Variants in ASB5 observed in about 807,000 individuals in gnomAD.
ASB5 encodes the protein ankyrin repeat and SOCS box containing 5, also known as ankyrin repeat and SOCS box protein 5.
In ASB5, 45 loss-of-function variants were observed where a neutral mutation model predicts 42.1. The ratio of observed to expected loss-of-function variants is 1.07; its 90% CI spans 0.84 to 1.37. The LOEUF is 1.37. ASB5 is among the 40% of genes most tolerant of loss of function. The probability of loss-of-function intolerance (pLI) is 0.00; values close to 1 mark genes in which losing one functional copy is unlikely to be tolerated. For missense variants in ASB5, 402 were observed against 399.8 expected (o/e 1.01, Z -0.05); for synonymous variants, 147 against 150.6 (o/e 0.98, Z 0.18).
rs1753812711 is a variant in ASB5, at chr4:176,241,553, C to A, written c.197-16212G>T. The stretch of plus-strand genomic sequence containing the variant: ...GGCTGTGCTGCTTTGGGTTTCTTTA[C>A]AAGGCCGTGCCCTCATACAACCTTT... On this transcript the variant is annotated intron_variant, in intron 1 of 6. Transcript: ENST00000296525. The A allele has an allele frequency of 2.0e-6, 3 of 1,524,960 alleles. No individual in the cohort carries two copies. The African/African-American group carries it at 4.2e-5, about 21-fold the overall frequency. The allele number at this position is 1,524,960 out of a possible 1,614,324, so 94.5% of individuals were successfully genotyped here.
At position 176,246,970 on chromosome 4, in the gene ASB5, A is replaced by G. The variant is rs542874236; in HGVS notation, c.197-21629T>C. ...CCTATAGAACCCATAGATTCCTATT[A>G]GAATTAATAAGAGAGCTTAGAAAAG... is the stretch of plus-strand genomic sequence containing the variant. On this transcript the variant is annotated intron_variant, in intron 1 of 6. Coordinates refer to ENST00000296525, the MANE Select transcript of ASB5 (RefSeq NM_080874.4). Among the ~76,000 whole-genome samples, 4 of 152,346 alleles carry G rather than the reference A, an allele frequency of 2.6e-5. No homozygotes were observed. The South Asian group carries it at 6.2e-4, about 24-fold the overall frequency.
rs777069810 is a variant in ASB5 at position 176,225,269 on chromosome 4, A to C, written c.269T>G (p.Leu90Ter). Residue 90 changes from leucine (L) to a stop codon, truncating the protein, a stop_gained, in exon 2 of 7, where the codon TTA becomes TGA. Coordinates refer to ENST00000296525, the MANE Select transcript of ASB5 (RefSeq NM_080874.4). LOFTEE classifies it high-confidence loss of function. ...CTATATGTAATATATTACCTGTGATAATAATGTTCTCAGAGCAAGAAGGCG... is the reference window on the plus strand; with the variant it reads ...CTATATGTAATATATTACCTGTGATCATAATGTTCTCAGAGCAAGAAGGCG... Reference protein sequence around the residue: ...QGRLLALRTLLSQGYNVNAVT... With the variant: ...QGRLLALRTL 6.8e-6 allele frequency: 11 copies of C among 1,611,620 alleles called. No homozygotes were observed. Among genetic ancestry groups the C allele is most frequent in the Non-Finnish European group, 9.3e-6 (11 of 1,177,818 alleles).
intron 1 of ASB5, among the ~76,000 whole-genome samples, chr4:176,236,184 T>G (rs976465750): frequency 6.6e-5 from 10 of 152,216 alleles, no homozygotes; most frequent in Non-Finnish European, 1.2e-4. Flanking sequence ...TTTTTTAATT[T>G]TTGCCATTGA....
intron 2 of ASB5, among the ~76,000 whole-genome samples, chr4:176,223,072 C>T (rs186645121): frequency 1.3e-5 from 2 of 152,268 alleles, no homozygotes; most frequent in East Asian, 1.9e-4. Context: ...GCCACCGCGC[C>T]CGGCCAACTT....
intron 1 of ASB5, among the ~76,000 whole-genome samples, chr4:176,245,890 G>A (rs533451532): frequency 6.6e-6 from 1 of 152,150 alleles, no homozygotes; most frequent in Non-Finnish European, 1.5e-5. Context: ...ACACACTGGG[G>A]CCTGTCGTGG....
At chr4:176,252,119 T>G (rs1432903642) in intron 1 of ASB5, among the ~76,000 whole-genome samples, 1 of 126,148 alleles carries the variant, frequency 7.9e-6, no homozygotes, top group African/African-American at 3.0e-5. Flanking sequence ...GCATATAAAA[T>G]ATTTTTATTT....
At chr4:176,237,601 A>G (rs937435272) in intron 1 of ASB5, 1 of 983,044 alleles carries the variant, frequency 1.0e-6, no homozygotes, top group Admixed American at 6.1e-5. Context: ...CACTTGGATC[A>G]GGGCTGGTAG....
intron 1 of ASB5, among the ~76,000 whole-genome samples, chr4:176,226,912 C>T (rs902649152): frequency 6.6e-6 from 1 of 152,204 alleles, no homozygotes; most frequent in Non-Finnish European, 1.5e-5. Flanking sequence ...TGCTTCTGCA[C>T]CCAAGCTCTC....
At chr4:176,231,389 T>A (rs1391453585) in intron 1 of ASB5, among the ~76,000 whole-genome samples, 1 of 151,692 alleles carries the variant, frequency 6.6e-6, no homozygotes, top group African/African-American at 2.4e-5. Context: ...TGCTTTTTCT[T>A]ATTGATCACT....
chr4:176,268,481 T>A (rs1448015776), intron 1 of ASB5, among the ~76,000 whole-genome samples: 1 of 152,160 alleles, frequency 6.6e-6, no homozygotes, highest in African/African-American at 2.4e-5. Flanking sequence ...TTAATAACAA[T>A]TATTTTACAC....
At chr4:176,237,555 C>T (rs1753716850) in intron 1 of ASB5, 2 of 985,516 alleles carry the variant, frequency 2.0e-6, no homozygotes, top group Admixed American at 6.1e-5. Flanking sequence ...TGTGTGCTAA[C>T]TTGAGATGTC....
At chr4:176,235,792 CT>C (rs368926557) in intron 1 of ASB5, among the ~76,000 whole-genome samples, 25,864 of 145,138 alleles carry the variant, frequency 0.18, 2,295 homozygotes, top group Admixed American at 0.22. Flanking sequence ...TAAGACTTGT[CT>C]TTTTTTTTTT....
chr4:176,235,922 G>A (rs910936837), intron 1 of ASB5, among the ~76,000 whole-genome samples: 8 of 151,130 alleles, frequency 5.3e-5, no homozygotes, highest in East Asian at 3.9e-4. Flanking sequence ...TCTGAACATC[G>A]CTCACTGCAG....
intron 1 of ASB5, among the ~76,000 whole-genome samples, chr4:176,276,650 A>G (rs1336336596): frequency 2.6e-5 from 4 of 152,204 alleles, no homozygotes; most frequent in Admixed American, 6.5e-5. Context: ...TAGAAATAAA[A>G]CATATCCCAC....
intron 1 of ASB5, among the ~76,000 whole-genome samples, chr4:176,236,194 A>G (rs1473793564): frequency 6.6e-6 from 1 of 151,874 alleles, no homozygotes; most frequent in Non-Finnish European, 1.5e-5. Flanking sequence ...TTTGCCATTG[A>G]CACAGTTCTA....
At chr4:176,227,976 A>G (rs1362966636) in intron 1 of ASB5, among the ~76,000 whole-genome samples, 2 of 152,192 alleles carry the variant, frequency 1.3e-5, no homozygotes, top group African/African-American at 4.8e-5. Flanking sequence ...TCTCGGCAAA[A>G]GTAGGCTGTT....
At chr4:176,246,482 T>G (rs1025978768) in intron 1 of ASB5, among the ~76,000 whole-genome samples, 2 of 152,182 alleles carry the variant, frequency 1.3e-5, no homozygotes, top group African/African-American at 2.4e-5. Context: ...AGAGTATGAG[T>G]GTAGACAGTC....
intron 1 of ASB5, among the ~76,000 whole-genome samples, chr4:176,237,817 T>C (rs1753723229): frequency 6.6e-6 from 1 of 152,170 alleles, no homozygotes; most frequent in Non-Finnish European, 1.5e-5. Context: ...ATCAATCAAA[T>C]GTAAAATTGC....
In ASB5 at chr4:176,221,620, C is replaced by A. The variant is rs186980118; in HGVS notation, c.385-20G>T. On this transcript the variant is annotated intron_variant, in intron 3 of 6. Coordinates refer to ENST00000296525, the MANE Select transcript of ASB5 (RefSeq NM_080874.4). Reference sequence around the variant, plus strand: ...ATTTACCTAAACCAAACCAAAATATCCAAACATAAGATTCATAAGTCATAC... The same window carrying A: ...ATTTACCTAAACCAAACCAAAATATACAAACATAAGATTCATAAGTCATAC... The A allele has an allele frequency of 2.1e-5, 33 of 1,582,552 alleles. No homozygotes were observed. In the African/African-American group the frequency reaches 2.6e-4, roughly 12 times the overall value.
Sources: allele counts gnomAD v4.1 joint callset (sites outside exome capture counted in the v4.1 genomes callset), GRCh38; gene constraint gnomAD v4.1.1; transcripts MANE v1.5; gene names NCBI Gene and HGNC (gene_info 2026-07-23, HGNC 2026-07-21).